Variants in NCKAP5 observed in about 807,000 individuals in gnomAD.
NCKAP5 encodes NCK associated protein 5.
NCKAP5 carries 92 observed loss-of-function variants against 167.0 expected under a neutral mutation model. The observed-to-expected ratio is 0.55, with a 90% CI of 0.47 to 0.66. The LOEUF (loss-of-function observed/expected upper bound fraction) is 0.66, where lower values mean the gene tolerates loss of function less well. Ranked by LOEUF, NCKAP5 falls within the 30% of genes least tolerant of loss-of-function variation. The pLI is 0.00. For synonymous variants in NCKAP5, 891 were observed against 877.4 expected (o/e 1.02, Z -0.27); for missense variants, 2,378 against 2,315.0 (o/e 1.03, Z -0.56).
At chr2:133,089,907 G>A (rs16847588) in intron 6 of NCKAP5, among the ~76,000 whole-genome samples, 5,750 of 152,188 alleles carry the variant, frequency 0.038, 203 homozygotes, top group African/African-American at 0.094. Context: ...TTTGTGGAGC[G>A]TTTCTACAGA....
chr2:133,316,460 G>A (rs1332971464), intron 3 of NCKAP5, among the ~76,000 whole-genome samples: 3 of 152,110 alleles, frequency 2.0e-5, no homozygotes, highest in Admixed American at 6.6e-5. Flanking sequence ...ATTTTGTTTC[G>A]TTTTTATATT....
At chr2:132,692,833 T>A (rs1283485975) in intron 19 of NCKAP5, among the ~76,000 whole-genome samples, 1 of 152,180 alleles carries the variant, frequency 6.6e-6, no homozygotes, top group Non-Finnish European at 1.5e-5. Context: ...TTCTCCATGA[T>A]CTATTCTTTC....
intron 6 of NCKAP5, among the ~76,000 whole-genome samples, chr2:133,053,157 T>C (rs552300992): frequency 1.8e-4 from 27 of 152,358 alleles, no homozygotes; most frequent in African/African-American, 6.5e-4. Context: ...TGGTAAACCA[T>C]TCTTCACAGC....
intron 3 of NCKAP5, among the ~76,000 whole-genome samples, chr2:133,473,454 A>G (rs957808524): frequency 6.6e-6 from 1 of 152,330 alleles, no homozygotes; most frequent in African/African-American, 2.4e-5. Context: ...ATTATCCCCC[A>G]GAGTTTCTGA....
chr2:133,205,497 T>C (rs2085908187), intron 5 of NCKAP5, among the ~76,000 whole-genome samples: 1 of 152,206 alleles, frequency 6.6e-6, no homozygotes, highest in Non-Finnish European at 1.5e-5. Context: ...AATATCTTTG[T>C]CCCAACATCA....
At chr2:133,125,876 A>G (rs975188262) in intron 6 of NCKAP5, among the ~76,000 whole-genome samples, 1 of 152,084 alleles carries the variant, frequency 6.6e-6, no homozygotes, top group African/African-American at 2.4e-5. Flanking sequence ...CTAAATTTGG[A>G]CCATTTCTGA....
At chr2:133,657,399 C>T in the NCKAP5 span, among the ~76,000 whole-genome samples, 2 of 152,176 alleles carry the variant, frequency 1.3e-5, no homozygotes, top group Non-Finnish European at 2.9e-5. Context: ...AGTTACTGTC[C>T]AAGATGAAAG....
the NCKAP5 span, among the ~76,000 whole-genome samples, chr2:133,638,377 T>A: frequency 3.3e-5 from 5 of 152,292 alleles, no homozygotes; most frequent in South Asian, 1.0e-3. Flanking sequence ...AGATAGTCAT[T>A]AAATTAAGCA....
intron 3 of NCKAP5, among the ~76,000 whole-genome samples, chr2:133,475,501 T>A (rs1247366489): frequency 6.6e-6 from 1 of 152,216 alleles, no homozygotes; most frequent in Non-Finnish European, 1.5e-5. Flanking sequence ...TTTTTCTTAT[T>A]TTCTAATGTA....
At chr2:133,331,428 G>T (rs1218832397) in intron 3 of NCKAP5, among the ~76,000 whole-genome samples, 1 of 152,144 alleles carries the variant, frequency 6.6e-6, no homozygotes, top group Non-Finnish European at 1.5e-5. Context: ...AGAGCTTAAT[G>T]GCACCTGCAA....
intron 3 of NCKAP5, among the ~76,000 whole-genome samples, chr2:133,479,054 C>T (rs1358279045): frequency 6.6e-6 from 1 of 152,102 alleles, no homozygotes; most frequent in Non-Finnish European, 1.5e-5. Flanking sequence ...TCAAATATAT[C>T]ATTAATGGAT....
intron 4 of NCKAP5, among the ~76,000 whole-genome samples, chr2:133,225,966 T>G (rs953842065): frequency 7.2e-5 from 11 of 151,758 alleles, no homozygotes; most frequent in Non-Finnish European, 1.3e-4. Context: ...GTATTTTTAG[T>G]AGAGACAAGG....
At chr2:132,854,495 G>C (rs1036047293) in intron 11 of NCKAP5, among the ~76,000 whole-genome samples, 3 of 152,218 alleles carry the variant, frequency 2.0e-5, no homozygotes, top group Admixed American at 1.3e-4. Context: ...GTGAGGAAGA[G>C]AATTTCTCAT....
chr2:132,884,578 G>A (rs536980337), intron 8 of NCKAP5, among the ~76,000 whole-genome samples: 2 of 152,294 alleles, frequency 1.3e-5, no homozygotes, highest in Admixed American at 6.5e-5. Context: ...ATCTAAAAGC[G>A]ATTTCCAGTT....
At position 132,673,103 on chromosome 2, in the gene NCKAP5, A is replaced by AC; in HGVS notation, c.*185dup. 7.9e-7 allele frequency: 1 copy of AC among 1,266,206 alleles called. No homozygotes were observed. The highest frequency in any genetic ancestry group is 9.9e-7 in the Non-Finnish European group (1 of 1,007,532). The allele number at this position is 1,266,206 out of a possible 1,614,324, so 78.4% of individuals were successfully genotyped here. The stretch of plus-strand genomic sequence containing the variant: ...ATCACTCAAAGATTCCAAGTTGTCT[A>AC]CCCCAGGCCTATCTGAACTACTCAA... On this transcript the variant is annotated 3_prime_UTR_variant, in exon 20 of 20. Transcript: ENST00000409261.
intron 8 of NCKAP5, among the ~76,000 whole-genome samples, chr2:132,927,857 G>GT (rs752700276): frequency 1.3e-5 from 2 of 152,066 alleles, no homozygotes; most frequent in Admixed American, 6.5e-5. Flanking sequence ...GGGCAAAGGG[G>GT]TTCACCAAGA....
intron 6 of NCKAP5, among the ~76,000 whole-genome samples, chr2:133,093,974 C>T (rs1237467180): frequency 6.6e-6 from 1 of 152,184 alleles, no homozygotes; most frequent in Admixed American, 6.5e-5. Flanking sequence ...TTGCCCTTTA[C>T]TTGCTAGATA....
intron 6 of NCKAP5, among the ~76,000 whole-genome samples, chr2:133,054,660 G>C (rs2079730503): frequency 6.6e-6 from 1 of 152,166 alleles, no homozygotes; most frequent in Non-Finnish European, 1.5e-5. Flanking sequence ...AATTTAAAGA[G>C]CTTTTAGTGG....
At chr2:133,636,618 AT>A in the NCKAP5 span, among the ~76,000 whole-genome samples, 3 of 152,236 alleles carry the variant, frequency 2.0e-5, no homozygotes, top group Admixed American at 6.5e-5. Flanking sequence ...TCCTTTTTAA[AT>A]GCCTATCTCA....
Sources: allele counts gnomAD v4.1 joint callset (sites outside exome capture counted in the v4.1 genomes callset), GRCh38; gene constraint gnomAD v4.1.1; transcripts MANE v1.5; gene names NCBI Gene and HGNC (gene_info 2026-07-23, HGNC 2026-07-21).